Variants in BCAS3 observed in about 807,000 individuals in gnomAD.
BCAS3 encodes BCAS3 microtubule associated cell migration factor.
In BCAS3, 53 loss-of-function variants were observed where a neutral mutation model predicts 116.1. The observed-to-expected ratio is 0.46, with a 90% confidence interval of 0.37 to 0.57. The LOEUF (loss-of-function observed/expected upper bound fraction) is 0.57, where lower values mean the gene tolerates loss of function less well. BCAS3 is among the 20% of genes least tolerant of loss of function. The probability of loss-of-function intolerance (pLI) is 0.00; values close to 1 mark genes in which losing one functional copy is unlikely to be tolerated. For synonymous variants in BCAS3, 391 were observed against 408.2 expected (o/e 0.96, Z 0.51); for missense variants, 917 against 1,165.4 (o/e 0.79, Z 3.10).
chr17:60,772,883 AG>A (rs898286158), intron 6 of BCAS3, among the ~76,000 whole-genome samples: 1 of 152,118 alleles, frequency 6.6e-6, no homozygotes, highest in Non-Finnish European at 1.5e-5. Context: ...AGAAAAAAAA[AG>A]GGGGGCTTAA....
At chr17:61,159,575 T>G (rs1346028825) in intron 22 of BCAS3, 1 of 152,144 alleles carries the variant, frequency 6.6e-6, no homozygotes, top group Admixed American at 6.6e-5. Context: ...CTTGAGGAGG[T>G]GGGAGAACTA....
intron 22 of BCAS3, among the ~76,000 whole-genome samples, chr17:61,179,579 C>T (rs2079354470): frequency 6.6e-6 from 1 of 152,160 alleles, no homozygotes; most frequent in Admixed American, 6.5e-5. Context: ...AAGAGCTGTG[C>T]TCATCTTGTA....
Position 61,281,012 on chromosome 17 carries a change from T to C in BCAS3, c.2426-87315T>C, listed in dbSNP as rs1015108349. ...AATGGTATAAAAAGAGACCTACTCTTATCTCCCAATCCTTGCCCAGAGGAA... is the reference window on the plus strand; with the variant it reads ...AATGGTATAAAAAGAGACCTACTCTCATCTCCCAATCCTTGCCCAGAGGAA... On this transcript the variant is annotated intron_variant, in intron 22 of 23. Transcript: ENST00000407086. The surrounding 1 kb of genome is among the most constrained non-coding windows in gnomAD (Gnocchi z 4.2). Among the ~76,000 whole-genome samples the C allele has an allele frequency of 2.6e-5, 4 of 152,218 alleles. No individual in the cohort carries two copies. Among genetic ancestry groups the C allele is most frequent in the African/African-American group, 4.8e-5 (2 of 41,464 alleles).
At chr17:60,904,536 A>C (rs1346621035) in intron 11 of BCAS3, among the ~76,000 whole-genome samples, 2 of 152,138 alleles carry the variant, frequency 1.3e-5, no homozygotes, top group Non-Finnish European at 2.9e-5. Context: ...ATTATGTTTA[A>C]TATAACACTT....
chr17:61,048,703 G>A (rs1157937200), intron 19 of BCAS3, among the ~76,000 whole-genome samples: 4 of 151,600 alleles, frequency 2.6e-5, no homozygotes, highest in Non-Finnish European at 5.9e-5. Flanking sequence ...CTCACCTAGA[G>A]TTTGTTGGAT....
chr17:61,095,738 A>G lies in BCAS3; in HGVS notation c.2425+11174A>G, dbSNP rs1171725373. 6.6e-6 allele frequency among the ~76,000 whole-genome samples: 1 copy of G among 151,970 alleles called. No individual in the cohort carries two copies. Among genetic ancestry groups the G allele is most frequent in the African/African-American group, 2.4e-5 (1 of 41,340 alleles). On this transcript the variant is annotated intron_variant, in intron 22 of 23. Coordinates refer to ENST00000407086, the MANE Select transcript of BCAS3 (RefSeq NM_017679.5). This position sits in a 1 kb window ranked among gnomAD's most constrained non-coding sequence, Gnocchi z 4.7. ...CACCTTGGCTTCCCAAAGTGCTGGG[A>G]TTACAGGTATTAGCCACCGCACCTG...
intron 7 of BCAS3, among the ~76,000 whole-genome samples, chr17:60,850,779 A>C (rs970902954): frequency 6.6e-6 from 1 of 152,174 alleles, no homozygotes; most frequent in Non-Finnish European, 1.5e-5. Flanking sequence ...TTTTATTAGC[A>C]ACAAAGAATG....
At chr17:60,839,409 A>G (rs1052491421) in intron 7 of BCAS3, among the ~76,000 whole-genome samples, 1 of 152,078 alleles carries the variant, frequency 6.6e-6, no homozygotes, top group Non-Finnish European at 1.5e-5. Flanking sequence ...CCCCAATTGT[A>G]ATATTACCTC....
At chr17:60,950,312 A>G (rs2145259921) in intron 14 of BCAS3, among the ~76,000 whole-genome samples, 1 of 152,308 alleles carries the variant, frequency 6.6e-6, no homozygotes, top group Non-Finnish European at 1.5e-5. Flanking sequence ...AGGGATGGTT[A>G]TGTTGATTAT....
chr17:61,320,865 A>G (rs2055153924), intron 22 of BCAS3, among the ~76,000 whole-genome samples: 2 of 152,190 alleles, frequency 1.3e-5, no homozygotes, highest in South Asian at 2.1e-4. Context: ...CCCGAAACAC[A>G]TGTAATCAGC....
intron 13 of BCAS3, among the ~76,000 whole-genome samples, chr17:60,930,925 A>T (rs1378267357): frequency 6.6e-6 from 1 of 152,172 alleles, no homozygotes; most frequent in East Asian, 1.9e-4. Flanking sequence ...AATTTAGGAG[A>T]CCATGTAGGT....
At chr17:60,989,857 G>A (rs1443375222) in intron 14 of BCAS3, 114 bp from the exon 15 acceptor site, 1 of 1,136,304 alleles carries the variant, frequency 8.8e-7, no homozygotes, top group Non-Finnish European at 1.3e-6. Context: ...CCTGATCTTA[G>A]GTACATTTGG....
chr17:61,178,739 G>C (rs1030929489), intron 22 of BCAS3, among the ~76,000 whole-genome samples: 3 of 152,116 alleles, frequency 2.0e-5, no homozygotes, highest in African/African-American at 7.2e-5. Flanking sequence ...TCAAATAGAG[G>C]TGGGAAATTT....
rs34079272 is a variant in BCAS3, at chr17:61,141,902, G to GA, written c.2425+57356dup. Among the ~76,000 whole-genome samples, 11,430 of 28,590 alleles carry GA rather than the reference G, an allele frequency of 0.4. 1,722 individuals carry two copies. Among genetic ancestry groups the GA allele is most frequent in the African/African-American group, 0.49 (10,671 of 21,864 alleles). The allele number at this position is 28,590 out of a possible 152,430, so 18.8% of individuals were successfully genotyped here. ...GTGACAGAGCGAGACCCCACCTCAA[G>GA]AAAAAAAAAAAAAAAAAAGTTAGAC... On this transcript the variant is annotated intron_variant, in intron 22 of 23. Transcript: ENST00000407086. This position sits in a 1 kb window ranked among gnomAD's most constrained non-coding sequence, Gnocchi z 4.3.
rs2058674465 is a variant in BCAS3, at chr17:61,365,416, C to G, written c.2426-2911C>G. Among the ~76,000 whole-genome samples the G allele has an allele frequency of 6.6e-6, 1 of 152,302 alleles. No homozygotes were observed. Among genetic ancestry groups the G allele is most frequent in the African/African-American group, 2.4e-5 (1 of 41,566 alleles). On this transcript the variant is annotated intron_variant, in intron 22 of 23. Coordinates refer to ENST00000407086, the MANE Select transcript of BCAS3 (RefSeq NM_017679.5). This position sits in a 1 kb window ranked among gnomAD's most constrained non-coding sequence, Gnocchi z 4.6. ...TGGCTCAATCTCGGCTCACTGCAAC[C>G]TCTGCCTCCCAGGTTCAAATGATTC... is the stretch of plus-strand genomic sequence containing the variant.
chr17:60,853,448 AG>A (rs2053363392), intron 7 of BCAS3, among the ~76,000 whole-genome samples: 1 of 152,234 alleles, frequency 6.6e-6, no homozygotes, highest in Admixed American at 6.5e-5. Context: ...AAGTCTATTT[AG>A]TAACTGGTAA....
chr17:61,253,538 T>A (rs575761335), intron 22 of BCAS3, among the ~76,000 whole-genome samples: 3 of 152,172 alleles, frequency 2.0e-5, no homozygotes, highest in Admixed American at 2.0e-4. Flanking sequence ...ATTTCTACAG[T>A]TGCTACATCA....
At chr17:61,359,225 A>T (rs2058320909) in intron 22 of BCAS3, among the ~76,000 whole-genome samples, 1 of 152,164 alleles carries the variant, frequency 6.6e-6, no homozygotes, top group Non-Finnish European at 1.5e-5. Flanking sequence ...CCCAAAGAAG[A>T]GCTGCTTACA....
At chr17:61,149,895 A>G (rs919227990) in intron 22 of BCAS3, among the ~76,000 whole-genome samples, 6 of 152,256 alleles carry the variant, frequency 3.9e-5, no homozygotes, top group Non-Finnish European at 8.8e-5. Flanking sequence ...GTTAAACTCA[A>G]CAGTTGTTTT....
Sources: allele counts gnomAD v4.1 joint callset (sites outside exome capture counted in the v4.1 genomes callset), GRCh38; gene constraint gnomAD v4.1.1; non-coding constraint Gnocchi (gnomAD v3.1); transcripts MANE v1.5; gene names NCBI Gene and HGNC (gene_info 2026-07-23, HGNC 2026-07-21).